PRP4K: variants seen among roughly 807,000 people sequenced by gnomAD.
PRP4K encodes serine/threonine-protein kinase PRP4 homolog.
chr6:4,056,768 C>T, the PRP4K span: 3 of 1,414,784 alleles, frequency 2.1e-6, no homozygotes, highest in Non-Finnish European at 2.8e-6. Context: ...AGCACCTCCA[C>T]CAAAGGCGAA....
At chr6:4,059,176 G>A in the PRP4K span, among the ~76,000 whole-genome samples, 1 of 152,084 alleles carries the variant, frequency 6.6e-6, no homozygotes, top group East Asian at 1.9e-4. Context: ...TTGGCTCCCT[G>A]TTACCTATGA....
the PRP4K span, chr6:4,040,732 A>G: frequency 5.7e-6 from 9 of 1,590,962 alleles, no homozygotes; most frequent in Non-Finnish European, 7.7e-6. Context: ...CCACTTTGAC[A>G]TTTAAAAAAA....
chr6:4,051,947 T>C, the PRP4K span: 1 of 1,511,972 alleles, frequency 6.6e-7, no homozygotes, highest in South Asian at 1.3e-5. Context: ...AATTTTTTTT[T>C]TTATTTTAGG....
chr6:4,057,863 T>G, the PRP4K span, among the ~76,000 whole-genome samples: 1 of 150,134 alleles, frequency 6.7e-6, no homozygotes, highest in Non-Finnish European at 1.5e-5. Flanking sequence ...CATGCCATTC[T>G]CCTGCCTCAG....
At chr6:4,022,274 A>G in the PRP4K span, among the ~76,000 whole-genome samples, 27 of 147,366 alleles carry the variant, frequency 1.8e-4, no homozygotes, top group African/African-American at 6.9e-4. Context: ...TTAAGCTAAC[A>G]TTAAGAATCC....
the PRP4K span, among the ~76,000 whole-genome samples, chr6:4,030,665 G>A: frequency 6.6e-6 from 1 of 152,166 alleles, no homozygotes; most frequent in Non-Finnish European, 1.5e-5. Flanking sequence ...TATTTCCATA[G>A]CATCTGTTAA....
chr6:4,031,441 T>C, the PRP4K span: 7 of 771,354 alleles, frequency 9.1e-6, no homozygotes, highest in Non-Finnish European at 9.8e-6. Context: ...GAAAAAATTT[T>C]AGTGACTGAC....
the PRP4K span, among the ~76,000 whole-genome samples, chr6:4,053,728 T>C: frequency 1.3e-5 from 2 of 152,198 alleles, no homozygotes; most frequent in East Asian, 1.9e-4. Context: ...TTCCAGCTTA[T>C]ATGCTGGTAA....
At chr6:4,060,731 T>C in the PRP4K span, 2 of 948,804 alleles carry the variant, frequency 2.1e-6, no homozygotes. This position sits in a 1 kb window ranked among gnomAD's most constrained non-coding sequence, Gnocchi z 4.7. Flanking sequence ...TGAGGAAGCA[T>C]GATATATTTG....
the PRP4K span, chr6:4,051,870 G>T: frequency 1.2e-6 from 1 of 848,508 alleles, no homozygotes; most frequent in South Asian, 2.4e-5. Context: ...TCACCTGATC[G>T]TCATACTGGG....
chr6:4,063,816 C>A, the PRP4K span: 3 of 152,264 alleles, frequency 2.0e-5, no homozygotes, highest in African/African-American at 7.2e-5. Context: ...AATAAATGTG[C>A]ATTCCTCTTT....
At chr6:4,060,372 G>T in the PRP4K span, 3 of 1,558,850 alleles carry the variant, frequency 1.9e-6, no homozygotes, top group Non-Finnish European at 2.6e-6. The surrounding 1 kb of genome is among the most constrained non-coding windows in gnomAD (Gnocchi z 4.7). Flanking sequence ...TATATGCTTA[G>T]TAACTTATTT....
At chr6:4,038,919 C>CTTT in the PRP4K span, among the ~76,000 whole-genome samples, 401 of 144,264 alleles carry the variant, frequency 2.8e-3, no homozygotes, top group African/African-American at 6.8e-3. Flanking sequence ...AATTTTTGTG[C>CTTT]TTTTTTTTTT....
the PRP4K span, chr6:4,056,259 T>C: frequency 1.7e-6 from 2 of 1,200,210 alleles, no homozygotes; most frequent in Non-Finnish European, 2.4e-6. Flanking sequence ...CCAATAATTT[T>C]TATTTATTTG....
the PRP4K span, chr6:4,058,592 G>T: frequency 5.8e-6 from 4 of 691,518 alleles, no homozygotes; most frequent in African/African-American, 5.5e-5. Flanking sequence ...GAATTCCTGG[G>T]ATCAAGGGAA....
At chr6:4,046,738 A>C in the PRP4K span, among the ~76,000 whole-genome samples, 4 of 148,730 alleles carry the variant, frequency 2.7e-5, no homozygotes, top group African/African-American at 5.0e-5. Context: ...GCTCACTGCT[A>C]CCTCCCTCTC....
At chr6:4,032,386 A>G in the PRP4K span, 1 of 1,614,138 alleles carries the variant, frequency 6.2e-7, no homozygotes. Flanking sequence ...GATCGAGGTA[A>G]AAAATCCAGA....
At chr6:4,042,366 T>TA in the PRP4K span, 1 of 698,564 alleles carries the variant, frequency 1.4e-6, no homozygotes, top group African/African-American at 1.9e-5. Flanking sequence ...GAAACAAAAG[T>TA]AATAGGACTT....
the PRP4K span, among the ~76,000 whole-genome samples, chr6:4,039,151 C>T: frequency 6.6e-6 from 1 of 152,182 alleles, no homozygotes; most frequent in South Asian, 2.1e-4. Context: ...TTTTCTCACA[C>T]AGCTGGATCC....
Sources: allele counts gnomAD v4.1 joint callset (sites outside exome capture counted in the v4.1 genomes callset), GRCh38; gene constraint gnomAD v4.1.1; non-coding constraint Gnocchi (gnomAD v3.1); transcripts MANE v1.5; gene names NCBI Gene and HGNC (gene_info 2026-07-23, HGNC 2026-07-21).